Variants in EDC3 observed in about 807,000 individuals in gnomAD.
EDC3 encodes the protein enhancer of mRNA-decapping protein 3.
In EDC3, 20 loss-of-function variants were observed where a neutral mutation model predicts 41.8. The observed-to-expected ratio is 0.48, with a 90% CI of 0.34 to 0.70. EDC3 has a LOEUF of 0.70. Ranked by LOEUF, EDC3 falls within the 30% of genes least tolerant of loss-of-function variation. The pLI is 0.01. For synonymous variants in EDC3, 206 were observed against 243.2 expected (o/e 0.85, Z 1.42); for missense variants, 444 against 636.8 (o/e 0.70, Z 3.26).
At chr15:74,673,231 G>A (rs1030322078) in intron 2 of EDC3, among the ~76,000 whole-genome samples, 2 of 152,096 alleles carry the variant, frequency 1.3e-5, no homozygotes, top group African/African-American at 4.8e-5. Flanking sequence ...AGAAATAAGA[G>A]GGGATGAACC....
chr15:74,690,631 T>C (rs994033148), intron 1 of EDC3, among the ~76,000 whole-genome samples: 68 of 152,180 alleles, frequency 4.5e-4, no homozygotes, highest in African/African-American at 1.6e-3. Context: ...AATCAAAATA[T>C]TGGGAAAGGC....
rs2062783163 is a variant in EDC3 at position 74,674,793 on chromosome 15, T to C, written c.164+168A>G. On this transcript the variant is annotated intron_variant, in intron 2 of 6. Coordinates refer to ENST00000315127, the MANE Select transcript of EDC3 (RefSeq NM_025083.5). ...ACTTCGGGAGGCCACAACGGGCAGA[T>C]TACTTGAGGCCAGTAGTTCGAGACC... 2.2e-5 allele frequency: 16 copies of C among 730,686 alleles called. No individual in the cohort carries two copies. The South Asian group carries it at 2.7e-4, about 12-fold the overall frequency. The allele number at this position is 730,686 out of a possible 1,614,324, so 45.3% of individuals were successfully genotyped here.
chr15:74,675,862 CAG>C (rs2062801159), intron 1 of EDC3, among the ~76,000 whole-genome samples: 1 of 144,460 alleles, frequency 6.9e-6, no homozygotes, highest in South Asian at 2.2e-4. Flanking sequence ...GCCTGGGCGA[CAG>C]AGAGAGACTC....
chr15:74,677,239 T>A (rs536021301), intron 1 of EDC3, among the ~76,000 whole-genome samples: 14 of 152,090 alleles, frequency 9.2e-5, no homozygotes, highest in African/African-American at 3.4e-4. Flanking sequence ...ATTTTTGTAT[T>A]TTTAGTAGAG....
intron 1 of EDC3, among the ~76,000 whole-genome samples, chr15:74,682,617 C>CAAAAA (rs61528385): frequency 3.3e-5 from 2 of 60,574 alleles, no homozygotes; most frequent in Non-Finnish European, 7.7e-5. Flanking sequence ...GACTCCATCT[C>CAAAAA]AAAAAAAAAA....
chr15:74,687,672 C>A (rs1024137490), intron 1 of EDC3, among the ~76,000 whole-genome samples: 20 of 152,160 alleles, frequency 1.3e-4, no homozygotes, highest in African/African-American at 4.8e-4. Flanking sequence ...CTGTGCCTGG[C>A]CCTTGGGTAA....
chr15:74,640,792 T>A, intron 4 of EDC3, 173 bp from the exon 5 acceptor site: 1 of 710,446 alleles, frequency 1.4e-6, no homozygotes, highest in Non-Finnish European at 2.3e-6. Flanking sequence ...AGAGCTCAAG[T>A]AGTGACTGGT....
chr15:74,690,767 C>T (rs1043681312), intron 1 of EDC3, among the ~76,000 whole-genome samples: 1 of 152,124 alleles, frequency 6.6e-6, no homozygotes, highest in Admixed American at 6.6e-5. Flanking sequence ...GACAACATAG[C>T]AAGACTGTTT....
At chr15:74,644,628 C>T (rs1377958670) in intron 4 of EDC3, 1 of 150,346 alleles carries the variant, frequency 6.7e-6, no homozygotes, top group East Asian at 1.9e-4. Flanking sequence ...ACATTCTGCA[C>T]ATGTATCTCA....
rs2062742738 is a variant in EDC3 at position 74,671,857 on chromosome 15, C to T, written c.165-83G>A. The stretch of plus-strand genomic sequence containing the variant: ...CTGAGATCATTAGCAAACAGCTACC[C>T]CTTTGCAGGACTGCATTTTATTGAG... On this transcript the variant is annotated intron_variant, in intron 2 of 6. Transcript: ENST00000315127. This position sits in a 1 kb window ranked among gnomAD's most constrained non-coding sequence, Gnocchi z 4.6. 2.9e-6 allele frequency: 4 copies of T among 1,375,630 alleles called. No individual in the cohort carries two copies. The highest frequency in any genetic ancestry group is 3.7e-5 in the Admixed American group (2 of 53,760). 85.2% of individuals were successfully genotyped at this position (1,375,630 alleles called of 1,614,324 possible). A position where few individuals can be genotyped will look rare whatever the true frequency, so the allele number is the denominator to read the frequency against.
Position 74,656,021 on chromosome 15 carries a change from C to G in EDC3, c.532G>C (p.Gly178Arg). The G allele has an allele frequency of 1.9e-6, 3 of 1,613,348 alleles. No homozygotes were observed. The highest frequency in any genetic ancestry group is 2.5e-6 in the Non-Finnish European group (3 of 1,179,776). ...TTCTTCATCTGGCCATTCTTTAAACCACTTTTCTTGGGAGTTGCCTGATTT... is the reference window on the plus strand; with the variant it reads ...TTCTTCATCTGGCCATTCTTTAAACGACTTTTCTTGGGAGTTGCCTGATTT... ...HPNQATPKKS[G>R]LKNGQMKNKD... The change falls in exon 4 of 7, where the codon GGT becomes CGT. Residue 178 changes from glycine (G) to arginine (R), a missense_variant. Coordinates refer to ENST00000315127, the MANE Select transcript of EDC3 (RefSeq NM_025083.5).
intron 1 of EDC3, among the ~76,000 whole-genome samples, chr15:74,688,732 C>G (rs1474016191): frequency 6.6e-6 from 1 of 152,050 alleles, no homozygotes; most frequent in Admixed American, 6.6e-5. Context: ...ATGGCAAAAC[C>G]CTGTCTCTAC....
rs772918147 is a variant in EDC3, at chr15:74,635,394, T to A, written c.1192+15A>T. The A allele has an allele frequency of 8.7e-6, 14 of 1,613,514 alleles. No individual in the cohort carries two copies. In the South Asian group the frequency reaches 1.3e-4, roughly 15 times the overall value. ...AGGGAGGAGGCCTTCAGCCCAGCCC[T>A]GCCTAAGTGCTCACCTTTGAGGCTA... is the stretch of plus-strand genomic sequence containing the variant. On this transcript the variant is annotated intron_variant, in intron 6 of 6. Transcript: ENST00000315127.
rs1363368484 is a variant in EDC3, at chr15:74,663,879, C to T, written c.484+7576G>A. 6.6e-5 allele frequency among the ~76,000 whole-genome samples: 10 copies of T among 152,264 alleles called. No homozygotes were observed. In the East Asian group the frequency reaches 1.5e-3, roughly 23 times the overall value. ...GACTAACAGGGTCCACAGTGGGAGA[C>T]GCCTTAATTCTGCCTTAATGATGCT... On this transcript the variant is annotated intron_variant, in intron 3 of 6. Transcript: ENST00000315127.
intron 6 of EDC3, among the ~76,000 whole-genome samples, chr15:74,634,659 A>AC (rs375235005): frequency 6.6e-6 from 1 of 151,082 alleles, no homozygotes; most frequent in Non-Finnish European, 1.5e-5. Context: ...TCTTTCTCCC[A>AC]CCCCCCATAC....
At chr15:74,659,490 AT>A in intron 3 of EDC3, among the ~76,000 whole-genome samples, 1 of 566 alleles carries the variant, frequency 1.8e-3, no homozygotes, top group Admixed American at 0.071. Context: ...AAATAGAAAT[AT>A]ATATATATAT....
At chr15:74,657,643 C>A (rs149854289) in intron 3 of EDC3, among the ~76,000 whole-genome samples, 182 of 152,268 alleles carry the variant, frequency 1.2e-3, no homozygotes, top group African/African-American at 4.2e-3. Context: ...GGTCTTATAG[C>A]CTGAAGCTTG....
chr15:74,650,551 T>C (rs1206293413), intron 4 of EDC3, among the ~76,000 whole-genome samples: 1 of 152,214 alleles, frequency 6.6e-6, no homozygotes, highest in African/African-American at 2.4e-5. Flanking sequence ...ACACTTTCAC[T>C]GGACTCTGGG....
At chr15:74,640,900 G>T in intron 4 of EDC3, 1 of 429,666 alleles carries the variant, frequency 2.3e-6, no homozygotes, top group Non-Finnish European at 4.3e-6. Flanking sequence ...AAATCTACCA[G>T]GATATATTTA....
Sources: allele counts gnomAD v4.1 joint callset (sites outside exome capture counted in the v4.1 genomes callset), GRCh38; gene constraint gnomAD v4.1.1; non-coding constraint Gnocchi (gnomAD v3.1); transcripts MANE v1.5; gene names NCBI Gene and HGNC (gene_info 2026-07-23, HGNC 2026-07-21).